The following SLC5A3 variants were observed in gnomAD, a reference collection of about 807,000 sequenced individuals.
SLC5A3 encodes the protein sodium/myo-inositol cotransporter.
In SLC5A3, 10 loss-of-function variants were observed where a neutral mutation model predicts 43.2. The ratio of observed to expected loss-of-function variants is 0.23; its 90% CI spans 0.14 to 0.39. The LOEUF (loss-of-function observed/expected upper bound fraction) is 0.39, where lower values mean the gene tolerates loss of function less well. Ranked by LOEUF, SLC5A3 falls within the 10% of genes least tolerant of loss-of-function variation. The pLI, the probability that SLC5A3 is intolerant of heterozygous loss-of-function variation, is 1.00. For missense variants in SLC5A3, 608 were observed against 893.4 expected (o/e 0.68, Z 4.07); for synonymous variants, 349 against 322.0 (o/e 1.08, Z -0.90).
intron 1 of SLC5A3, among the ~76,000 whole-genome samples, chr21:34,085,935 T>C (rs1201263921): frequency 6.6e-6 from 1 of 152,144 alleles, no homozygotes; most frequent in Non-Finnish European, 1.5e-5. Context: ...CGTAGTGCCT[T>C]TACACCTAAC....
Position 34,100,108 on chromosome 21 carries a change from C to A in SLC5A3, c.*2753C>A. ...TTTTATATTAGCTCAAGCTAAGGTT[C>A]AGAATTGAAGCTTGATATTGACTAG... is the stretch of plus-strand genomic sequence containing the variant. On this transcript the variant is annotated 3_prime_UTR_variant, in exon 2 of 2. Coordinates refer to ENST00000381151, the MANE Select transcript of SLC5A3 (RefSeq NM_006933.7). The A allele has an allele frequency of 1.0e-6, 1 of 999,244 alleles. No individual in the cohort carries two copies. Among genetic ancestry groups the A allele is most frequent in the Non-Finnish European group, 1.2e-6 (1 of 829,116 alleles). 61.9% of individuals were successfully genotyped at this position (999,244 alleles called of 1,614,324 possible).
chr21:34,080,743 ATGTT>A (rs1989440942), intron 1 of SLC5A3, among the ~76,000 whole-genome samples: 1 of 152,312 alleles, frequency 6.6e-6, no homozygotes. Flanking sequence ...TGAGTCTTTC[ATGTT>A]TGTTCTGCTA....
intron 1 of SLC5A3, among the ~76,000 whole-genome samples, chr21:34,088,252 T>G (rs1978497633): frequency 6.6e-6 from 1 of 152,156 alleles, no homozygotes; most frequent in Admixed American, 6.5e-5. Context: ...TAAGACTTAC[T>G]ATTTTTCCCC....
chr21:34,076,377 T>G (rs1989331330), intron 1 of SLC5A3, among the ~76,000 whole-genome samples: 1 of 152,232 alleles, frequency 6.6e-6, no homozygotes, highest in Admixed American at 6.5e-5. Context: ...GTATCTGGAT[T>G]GTAGCAAAGT....
chr21:34,091,265 CCG>C (rs140471135), intron 1 of SLC5A3, among the ~76,000 whole-genome samples: 4 of 182 alleles, frequency 0.022, no homozygotes, highest in African/African-American at 0.048. Flanking sequence ...TTTGCAGGCC[CCG>C]CCCTGTGTCA....
Position 34,073,680 on chromosome 21 carries a change from G to T in SLC5A3, c.-402G>T. ...CCGGGAACCGGCTGGCTTCCGAGCCGCACTCGCCGATCCTCCAGGCATGCC... is the reference window on the plus strand; with the variant it reads ...CCGGGAACCGGCTGGCTTCCGAGCCTCACTCGCCGATCCTCCAGGCATGCC... On this transcript the variant is annotated 5_prime_UTR_variant, in exon 1 of 2. Transcript: ENST00000381151. 7 of 1,513,614 alleles carry T rather than the reference G, an allele frequency of 4.6e-6. No individual in the cohort carries two copies. Among genetic ancestry groups the T allele is most frequent in the South Asian group, 1.2e-5 (1 of 86,526 alleles). The allele number at this position is 1,513,614 out of a possible 1,614,324, so 93.8% of individuals were successfully genotyped here.
intron 1 of SLC5A3, among the ~76,000 whole-genome samples, chr21:34,086,145 A>T (rs182437525): frequency 2.6e-5 from 4 of 152,098 alleles, no homozygotes; most frequent in Non-Finnish European, 4.4e-5. Flanking sequence ...TGCTGTTTAT[A>T]TATATTCTTC....
chr21:34,096,718 A>G lies in SLC5A3; in HGVS notation c.1520A>G (p.Lys507Arg), dbSNP rs767822490. The G allele has an allele frequency of 5.6e-6, 9 of 1,614,092 alleles. No homozygotes were observed. Among genetic ancestry groups the G allele is most frequent in the African/African-American group, 1.3e-5 (1 of 75,018 alleles). ...CCTGATAATAGGCCGGGCTTCATCA[A>G]AGACATCCATTATATGTATGTGGCC... The part of the protein sequence containing the change: ...DQPDNRPGFI[K>R]DIHYMYVATG... Residue 507 changes from lysine to arginine, a missense_variant, in exon 2 of 2, where the codon AAA becomes AGA. By Grantham distance (26) the Lys-to-Arg change is conservative. Transcript: ENST00000381151. This position sits in a 1 kb window ranked among gnomAD's most constrained non-coding sequence, Gnocchi z 5.9.
Position 34,100,379 on chromosome 21 carries a change from A to G in SLC5A3, c.*3024A>G. ...TTCTGTTCTGCCACCCCCAGAGAGTAAACACTTGAGCCGATTTCTTCTTCC... is the reference window on the plus strand; with the variant it reads ...TTCTGTTCTGCCACCCCCAGAGAGTGAACACTTGAGCCGATTTCTTCTTCC... On this transcript the variant is annotated 3_prime_UTR_variant, in exon 2 of 2. Transcript: ENST00000381151. 15 of 1,000,234 alleles carry G rather than the reference A, an allele frequency of 1.5e-5. No individual in the cohort carries two copies. The highest frequency in any genetic ancestry group is 1.8e-5 in the Non-Finnish European group (15 of 829,972). 62.0% of individuals were successfully genotyped at this position (1,000,234 alleles called of 1,614,324 possible). A position where few individuals can be genotyped will look rare whatever the true frequency, so the allele number is the denominator to read the frequency against.
intron 1 of SLC5A3, among the ~76,000 whole-genome samples, chr21:34,088,149 T>A (rs113294544): frequency 0.012 from 1,753 of 152,360 alleles, 38 homozygotes; most frequent in South Asian, 0.081. Flanking sequence ...AGCTAATTCC[T>A]TTAACTTAAT....
Position 34,100,517 on chromosome 21 carries a change from G to C in SLC5A3, c.*3162G>C, listed in dbSNP as rs757759386. On this transcript the variant is annotated 3_prime_UTR_variant, in exon 2 of 2. Transcript: ENST00000381151. The stretch of plus-strand genomic sequence containing the variant: ...TAAATTCAATAGATCTCATCTCCTA[G>C]GGCTTCCTTTTCACTTGGCTCAAAG... The C allele has an allele frequency of 1.2e-4, 120 of 1,000,064 alleles. No individual in the cohort carries two copies. The highest frequency in any genetic ancestry group is 1.3e-4 in the Non-Finnish European group (105 of 829,974). The allele number at this position is 1,000,064 out of a possible 1,614,324, so 61.9% of individuals were successfully genotyped here.
chr21:34,076,687 TA>T lies in SLC5A3; in HGVS notation c.-337+2946del, dbSNP rs565340118. ...TTTCTGTTTTAGCGTGAAAAGTAGG[TA>T]AAAGTGTGGTTAAATTCTGAAATAT... On this transcript the variant is annotated intron_variant, in intron 1 of 1. Transcript: ENST00000381151. Among the ~76,000 whole-genome samples the T allele has an allele frequency of 1.1e-4, 17 of 152,308 alleles. No individual in the cohort carries two copies. In the South Asian group the frequency reaches 2.5e-3, roughly 22 times the overall value.
Position 34,106,230 on chromosome 21 carries a change from T to C in SLC5A3, c.*8875T>C. On this transcript the variant is annotated 3_prime_UTR_variant, in exon 2 of 2. Coordinates refer to ENST00000381151, the MANE Select transcript of SLC5A3 (RefSeq NM_006933.7). ...TATTTTATGGAAATGTTAGCAATTC[T>C]GTACCAACTTTGAATAAAATGAAAA... The C allele has an allele frequency of 1.1e-6, 1 of 934,970 alleles. No homozygotes were observed. The allele number at this position is 934,970 out of a possible 1,614,324, so 57.9% of individuals were successfully genotyped here. A position where few individuals can be genotyped will look rare whatever the true frequency, so the allele number is the denominator to read the frequency against.
In SLC5A3 at chr21:34,096,942, A is replaced by G. The variant is rs1482770522; in HGVS notation, c.1744A>G (p.Ile582Val). The change falls in exon 2 of 2, where the codon ATC becomes GTC. Residue 582 changes from isoleucine (I) to valine (V), a missense_variant. This residue lies in a region of SLC5A3 where 210 missense variants were observed against 224.8 expected (regional missense o/e 0.93). Transcript: ENST00000381151. The surrounding 1 kb of genome is among the most constrained non-coding windows in gnomAD (Gnocchi z 5.9). ...GAGATGCAGTGAGAATAATGAGACC[A>G]TCAACCACATCATTCCCAACGGGAA... ...ILRCSENNET[I>V]NHIIPNGKSE... The G allele has an allele frequency of 1.9e-6, 3 of 1,614,042 alleles. No homozygotes were observed. The African/African-American group carries it at 4.0e-5, about 22-fold the overall frequency.
intron 1 of SLC5A3, among the ~76,000 whole-genome samples, chr21:34,079,815 GTTCTC>G (rs1483518000): frequency 1.3e-5 from 2 of 151,810 alleles, no homozygotes; most frequent in African/African-American, 4.8e-5. Context: ...GGCATTTTCT[GTTCTC>G]TTCTGTGCTG....
chr21:34,104,948 T>C lies in SLC5A3; in HGVS notation c.*7593T>C, dbSNP rs930976030. 20 of 999,434 alleles carry C rather than the reference T, an allele frequency of 2.0e-5. No homozygotes were observed. In the African/African-American group the frequency reaches 3.3e-4, roughly 17 times the overall value. 61.9% of individuals were successfully genotyped at this position (999,434 alleles called of 1,614,324 possible). On this transcript the variant is annotated 3_prime_UTR_variant, in exon 2 of 2. Coordinates refer to ENST00000381151, the MANE Select transcript of SLC5A3 (RefSeq NM_006933.7). ...GGAGAACTGCTTTAATTAGCCTAGG[T>C]GAAAAGTAGTCCTAGCAGTGTAAAT...
rs1979445422 is a variant in SLC5A3 at position 34,105,705 on chromosome 21, T to G, written c.*8350T>G. 1.0e-6 allele frequency: 1 copy of G among 998,584 alleles called. No individual in the cohort carries two copies. The highest frequency in any genetic ancestry group is 1.2e-6 in the Non-Finnish European group (1 of 828,588). The allele number at this position is 998,584 out of a possible 1,614,324, so 61.9% of individuals were successfully genotyped here. On this transcript the variant is annotated 3_prime_UTR_variant, in exon 2 of 2. Coordinates refer to ENST00000381151, the MANE Select transcript of SLC5A3 (RefSeq NM_006933.7). The stretch of plus-strand genomic sequence containing the variant: ...TTTTGTTATTAGTGAGTTTTTTGAA[T>G]TGTAAATGGATTTCCAGTTTACCTT...
Position 34,104,731 on chromosome 21 carries a change from A to G in SLC5A3, c.*7376A>G, listed in dbSNP as rs369369737. ...GGAAGAAGATTACCAGAAGTGCAGG[A>G]AAGAGAAGTTTGAGGAACACCCTTG... is the stretch of plus-strand genomic sequence containing the variant. On this transcript the variant is annotated 3_prime_UTR_variant, in exon 2 of 2. Transcript: ENST00000381151. The G allele has an allele frequency of 2.4e-4, 244 of 1,000,340 alleles. 1 individual carries two copies. In the African/African-American group the frequency reaches 3.8e-3, roughly 16 times the overall value. The allele number at this position is 1,000,340 out of a possible 1,614,324, so 62.0% of individuals were successfully genotyped here.
intron 1 of SLC5A3, among the ~76,000 whole-genome samples, chr21:34,081,383 C>T (rs2850032): frequency 6.6e-6 from 1 of 152,090 alleles, no homozygotes; most frequent in African/African-American, 2.4e-5. Context: ...TAATAAAATA[C>T]TTAAGGTACG....
Sources: allele counts gnomAD v4.1 joint callset (sites outside exome capture counted in the v4.1 genomes callset), GRCh38; gene constraint gnomAD v4.1.1; regional missense constraint gnomAD v4.1.1; non-coding constraint Gnocchi (gnomAD v3.1); transcripts MANE v1.5; gene names NCBI Gene and HGNC (gene_info 2026-07-23, HGNC 2026-07-21).